The following SUSD1 variants were observed in gnomAD, a reference collection of about 807,000 sequenced individuals.
The protein encoded by SUSD1 is sushi domain containing 1.
In SUSD1, 65 loss-of-function variants were observed where a neutral mutation model predicts 86.9. The ratio of observed to expected loss-of-function variants is 0.75; its 90% CI spans 0.61 to 0.92. The LOEUF is 0.92. Among genes scored for constraint, SUSD1 ranks in the 40% least tolerant of loss-of-function variants. The pLI is 0.00. For missense variants in SUSD1, 850 were observed against 929.7 expected (o/e 0.91, Z 1.11); for synonymous variants, 346 against 350.0 (o/e 0.99, Z 0.13).
intron 10 of SUSD1, among the ~76,000 whole-genome samples, chr9:112,093,233 T>C (rs1174632362): frequency 2.6e-5 from 4 of 152,192 alleles, no homozygotes; most frequent in East Asian, 1.9e-4. Context: ...ACAGTAAATA[T>C]GTAATCTAAT....
At chr9:112,058,314 G>T (rs148836573) in intron 14 of SUSD1, 114 bp downstream of exon 14, 4 of 1,329,820 alleles carry the variant, frequency 3.0e-6, no homozygotes, top group Admixed American at 5.4e-5. Flanking sequence ...CAAACATTTT[G>T]TGATTGTTAC....
At chr9:112,111,958 A>G in intron 7 of SUSD1, 118 bp from the exon 8 acceptor site, 1 of 1,034,570 alleles carries the variant, frequency 9.7e-7, no homozygotes, top group Non-Finnish European at 1.4e-6. Flanking sequence ...TCAGCCAGGG[A>G]GCATTCGTAA....
chr9:112,137,828 T>C (rs925357859), intron 5 of SUSD1: 1 of 152,060 alleles, frequency 6.6e-6, no homozygotes, highest in African/African-American at 2.4e-5. Context: ...ATACTAAAAT[T>C]GGAACGATAC....
chr9:112,166,358 C>G (rs1212110901), intron 1 of SUSD1, among the ~76,000 whole-genome samples: 1 of 152,128 alleles, frequency 6.6e-6, no homozygotes, highest in Non-Finnish European at 1.5e-5. Flanking sequence ...CTGTGCAAAC[C>G]AAGACAGCTG....
chr9:112,105,193 T>G (rs939051625), intron 8 of SUSD1, among the ~76,000 whole-genome samples: 1 of 152,160 alleles, frequency 6.6e-6, no homozygotes, highest in Non-Finnish European at 1.5e-5. Flanking sequence ...AAAATGCATA[T>G]TTGTGTAAGT....
intron 12 of SUSD1, among the ~76,000 whole-genome samples, chr9:112,072,533 C>T (rs1275910037): frequency 6.6e-6 from 1 of 152,150 alleles, no homozygotes; most frequent in African/African-American, 2.4e-5. Context: ...TCCCAACACA[C>T]ACAGAAACCC....
At chr9:112,155,974 GAGAGAGAAAGAAAGAA>G (rs1039703538) in intron 2 of SUSD1, among the ~76,000 whole-genome samples, 23 of 150,136 alleles carry the variant, frequency 1.5e-4, no homozygotes, top group South Asian at 4.2e-4. Flanking sequence ...AGAAGGAAAG[GAGAGAGAAAGAAAGAA>G]AGAGAGAAAG....
rs1214273386 is a variant in SUSD1 at position 112,152,811 on chromosome 9, G to A, written c.218-3412C>T. On this transcript the variant is annotated intron_variant, in intron 2 of 16. Coordinates refer to ENST00000374270, the MANE Select transcript of SUSD1 (RefSeq NM_022486.5). The stretch of plus-strand genomic sequence containing the variant: ...GCATCATAACCAAGGCTGGAGTGCA[G>A]TGGTGTGACCATAGCTCACTGCAGC... 3.7e-5 allele frequency among the ~76,000 whole-genome samples: 5 copies of A among 135,088 alleles called. No homozygotes were observed. The Admixed American group carries it at 4.2e-4, about 11-fold the overall frequency. 88.6% of individuals were successfully genotyped at this position (135,088 alleles called of 152,430 possible).
chr9:112,045,508 T>TTGTTGAAGGCTATAAAATAC (rs11269147), intron 15 of SUSD1, among the ~76,000 whole-genome samples: 12 of 152,172 alleles, frequency 7.9e-5, no homozygotes, highest in Admixed American at 5.2e-4. Flanking sequence ...ACATTATTGT[T>TTGTTGAAGGCTATAAAATAC]ATTATGCGTG....
chr9:112,048,398 C>T (rs1828046128), intron 15 of SUSD1, among the ~76,000 whole-genome samples: 1 of 152,146 alleles, frequency 6.6e-6, no homozygotes, highest in African/African-American at 2.4e-5. Context: ...CATATATACA[C>T]ATATATGTAC....
intron 5 of SUSD1, among the ~76,000 whole-genome samples, chr9:112,141,529 T>C (rs912263820): frequency 6.6e-6 from 1 of 151,514 alleles, no homozygotes; most frequent in African/African-American, 2.4e-5. Context: ...ACACAAAAAT[T>C]AGCCGGGTGT....
chr9:112,058,583 A>G lies in SUSD1; in HGVS notation c.1954T>C (p.Tyr652His). ...TTGGCCAGTAGTTCTGCAGCCACGT[A>G]TCCATCAGCATCAGAGGCGTTGCTA... is the stretch of plus-strand genomic sequence containing the variant. The part of the protein sequence containing the change: ...FFSNASDADG[Y>H]VAAELLAKDV... Residue 652 changes from tyrosine to histidine, a missense_variant, in exon 14 of 17, where the codon TAC becomes CAC. Physicochemically the swap from Tyr to His is moderately conservative, Grantham distance 83 (BLOSUM62 2). Coordinates refer to ENST00000374270, the MANE Select transcript of SUSD1 (RefSeq NM_022486.5). 2 of 1,614,148 alleles carry G rather than the reference A, an allele frequency of 1.2e-6. No individual in the cohort carries two copies. The highest frequency in any genetic ancestry group is 8.5e-7 in the Non-Finnish European group (1 of 1,180,010).
intron 13 of SUSD1, among the ~76,000 whole-genome samples, chr9:112,061,481 G>A (rs16916624): frequency 0.11 from 17,131 of 152,146 alleles, 1,156 homozygotes; most frequent in East Asian, 0.28. Flanking sequence ...TTTTGGAGGC[G>A]CTGGCCGGCA....
At chr9:112,125,362 T>C (rs1713425304) in intron 5 of SUSD1, among the ~76,000 whole-genome samples, 1 of 152,100 alleles carries the variant, frequency 6.6e-6, no homozygotes, top group Non-Finnish European at 1.5e-5. Context: ...ATTTTCAAAT[T>C]ATTTCAATAA....
chr9:112,051,780 T>C (rs1261921814), intron 15 of SUSD1, among the ~76,000 whole-genome samples: 1 of 152,170 alleles, frequency 6.6e-6, no homozygotes, highest in African/African-American at 2.4e-5. Flanking sequence ...GTAGCTCTTG[T>C]ATTGGCTTTT....
At chr9:112,142,213 A>T in intron 5 of SUSD1, 107 bp downstream of exon 5, 1 of 907,546 alleles carries the variant, frequency 1.1e-6, no homozygotes, top group Non-Finnish European at 1.6e-6. Flanking sequence ...TAGGAATTTT[A>T]AAGGTTTACT....
intron 14 of SUSD1, among the ~76,000 whole-genome samples, chr9:112,054,450 G>A (rs1341291703): frequency 6.6e-6 from 1 of 152,048 alleles, no homozygotes; most frequent in Non-Finnish European, 1.5e-5. Flanking sequence ...AGCCAGGCAT[G>A]GTGGTGCACA....
intron 15 of SUSD1, among the ~76,000 whole-genome samples, chr9:112,051,206 T>C (rs142397998): frequency 6.6e-6 from 1 of 152,276 alleles, no homozygotes; most frequent in African/African-American, 2.4e-5. Flanking sequence ...TTGGTTAAAT[T>C]TGCCATTTAG....
At chr9:112,154,870 G>C (rs928670970) in intron 2 of SUSD1, among the ~76,000 whole-genome samples, 1 of 152,152 alleles carries the variant, frequency 6.6e-6, no homozygotes, top group African/African-American at 2.4e-5. Flanking sequence ...CAAGCATCGG[G>C]ATGCACAGTG....
Sources: allele counts gnomAD v4.1 joint callset (sites outside exome capture counted in the v4.1 genomes callset), GRCh38; gene constraint gnomAD v4.1.1; transcripts MANE v1.5; gene names NCBI Gene and HGNC (gene_info 2026-07-23, HGNC 2026-07-21).